The following CSTB variants were observed in gnomAD, a reference collection of about 807,000 sequenced individuals.
CSTB encodes the protein cystatin-B.
Under a neutral mutation model 7.6 loss-of-function variants are expected in CSTB, and 8 were observed. That is an observed-to-expected ratio of 1.05 (90% CI 0.62 to 1.89). The LOEUF (loss-of-function observed/expected upper bound fraction) is 1.89. Ranked by LOEUF, CSTB falls within the 40% of genes most tolerant of loss-of-function variation. The probability of loss-of-function intolerance (pLI) is 0.00; values close to 1 mark genes in which losing one functional copy is unlikely to be tolerated. For synonymous variants in CSTB, 56 were observed against 55.3 expected (o/e 1.01, Z -0.06); for missense variants, 124 against 126.4 (o/e 0.98, Z 0.09).
chr21:43,776,181 C>T (rs1457607632), intron 1 of CSTB, 23 bp downstream of exon 1: 2 of 1,525,580 alleles, frequency 1.3e-6, no homozygotes, highest in Non-Finnish European at 1.8e-6. Context: ...TCCGGGCCGG[C>T]CCCGTCCCCG....
chr21:43,774,192 A>G lies in CSTB; in HGVS notation c.*10T>C. 6.2e-7 allele frequency: 1 copy of G among 1,614,212 alleles called. No individual in the cohort carries two copies. Among genetic ancestry groups the G allele is most frequent in the South Asian group, 1.1e-5 (1 of 91,082 alleles). ...GTCTTCTGGCTGAAGGGCCTTGTCC[A>G]AAGTCAGGATCAGAAATAGGTCAGC... On this transcript the variant is annotated 3_prime_UTR_variant, in exon 3 of 3. Coordinates refer to ENST00000291568, the MANE Select transcript of CSTB (RefSeq NM_000100.4).
At position 43,776,241 on chromosome 21, in the gene CSTB, T is replaced by G. The variant is rs569851503; in HGVS notation, c.29A>C (p.Gln10Pro). The change falls in exon 1 of 3, where the codon CAG becomes CCG. Residue 10 changes from glutamine (Q) to proline (P), a missense_variant. Coordinates refer to ENST00000291568, the MANE Select transcript of CSTB (RefSeq NM_000100.4). MMCGAPSAT[Q>P]PATAETQHIA... ...GTGCTGGGTCTCGGCGGTGGCCGGCTGCGTGGCGGAGGGCGCCCCGCACAT... is the reference window on the plus strand; with the variant it reads ...GTGCTGGGTCTCGGCGGTGGCCGGCGGCGTGGCGGAGGGCGCCCCGCACAT... 1.2e-5 allele frequency: 18 copies of G among 1,529,408 alleles called. No individual in the cohort carries two copies. In the African/African-American group the frequency reaches 2.4e-4, roughly 20 times the overall value. The allele number at this position is 1,529,408 out of a possible 1,614,324, so 94.7% of individuals were successfully genotyped here.
chr21:43,776,304 TCGGCGAGGGGACG>T (rs780277053), exon 1 of CSTB: 29 of 1,508,514 alleles, frequency 1.9e-5, no homozygotes, highest in African/African-American at 3.2e-4. Context: ...GCGAGGGGAC[TCGGCGAGGGGACG>T]CGGCGGCTCC....
At chr21:43,774,508 G>T in intron 2 of CSTB, 150 bp downstream of exon 2, 1 of 1,180,970 alleles carries the variant, frequency 8.5e-7, no homozygotes, top group Non-Finnish European at 1.2e-6. Context: ...TAGTCCTCCT[G>T]AAAGGCCGAT....
chr21:43,774,924 G>C, intron 1 of CSTB, 165 bp from the exon 2 acceptor site: 2 of 689,816 alleles, frequency 2.9e-6, no homozygotes, highest in Non-Finnish European at 5.2e-6. Context: ...TAATAATAAA[G>C]TAGAAAAAAA....
chr21:43,775,880 G>A (rs376284728), intron 1 of CSTB: 6 of 289,182 alleles, frequency 2.1e-5, no homozygotes, highest in East Asian at 1.2e-4. Context: ...CTGCCTGCCT[G>A]AAACCAGAAG....
At position 43,774,294 on chromosome 21, in the gene CSTB, C is replaced by G; in HGVS notation, c.205G>C (p.Val69Leu). 6.2e-7 allele frequency: 1 copy of G among 1,614,242 alleles called. No homozygotes were observed. The change falls in exon 3 of 3, where the codon GTG becomes CTG. Residue 69 changes from valine to leucine, a missense_variant. Physicochemically the swap from Val to Leu is conservative, Grantham distance 32. Coordinates refer to ENST00000291568, the MANE Select transcript of CSTB (RefSeq NM_000100.4). ...TTTTCATGAGGGAGAGATTGGAACACTCGCAGGTGTACGAAGTCCTCGTCG... is the reference window on the plus strand; with the variant it reads ...TTTTCATGAGGGAGAGATTGGAACAGTCGCAGGTGTACGAAGTCCTCGTCG... ...VGDEDFVHLR[V>L]FQSLPHENKP...
At chr21:43,774,551 G>T (rs1601856011) in intron 2 of CSTB, 107 bp downstream of exon 2, 2 of 1,165,070 alleles carry the variant, frequency 1.7e-6, no homozygotes, top group Admixed American at 1.7e-5. Context: ...ATCTCAGGGG[G>T]CAGCCACAGG....
At chr21:43,776,136 G>A in intron 1 of CSTB, 68 bp downstream of exon 1, 1 of 1,420,922 alleles carries the variant, frequency 7.0e-7, no homozygotes, top group Non-Finnish European at 9.5e-7. Context: ...TTTCGCTCCA[G>A]GAGCCGCGGC....
At chr21:43,776,028 C>T (rs893773239) in intron 1 of CSTB, 176 bp downstream of exon 1, 166 of 527,292 alleles carry the variant, frequency 3.1e-4, no homozygotes, top group Non-Finnish European at 5.0e-4. Flanking sequence ...GCGCGGCCCC[C>T]CGCTGCTCAC....
intron 1 of CSTB, chr21:43,775,286 T>A (rs533397892): frequency 4.9e-6 from 1 of 204,786 alleles, no homozygotes; most frequent in East Asian, 1.2e-4. Context: ...GGGCATCCCG[T>A]CGGTCACCAA....
Position 43,774,605 on chromosome 21 carries a change from G to A in CSTB, c.168+53C>T, listed in dbSNP as rs180832281. Reference sequence around the variant, plus strand: ...CCACACAGCCCGGGCCTGCACAGGCGGTTTCCTACCAGCACCCGTTCGGGG... The same window carrying A: ...CCACACAGCCCGGGCCTGCACAGGCAGTTTCCTACCAGCACCCGTTCGGGG... On this transcript the variant is annotated intron_variant, in intron 2 of 2. Coordinates refer to ENST00000291568, the MANE Select transcript of CSTB (RefSeq NM_000100.4). 4,036 of 1,488,948 alleles carry A rather than the reference G, an allele frequency of 2.7e-3. 45 individuals are homozygous for A. In the African/African-American group the frequency reaches 0.036, roughly 13 times the overall value. The allele number at this position is 1,488,948 out of a possible 1,614,324, so 92.2% of individuals were successfully genotyped here.
chr21:43,774,237 T>C lies in CSTB; in HGVS notation c.262A>G (p.Asn88Asp). ...KPLTLSNYQT[N>D]KAKHDELTYF ...GTCAGCTCATCATGCTTGGCTTTGT[T>C]GGTCTGGTAGTTAGATAAGGTCAAG... Residue 88 changes from asparagine (N) to aspartate (D), a missense_variant, in exon 3 of 3, where the codon AAC becomes GAC. By Grantham distance (23) the Asn-to-Asp change is conservative. Transcript: ENST00000291568. 1 of 1,614,198 alleles carries C rather than the reference T, an allele frequency of 6.2e-7. No homozygotes were observed. Among genetic ancestry groups the C allele is most frequent in the South Asian group, 1.1e-5 (1 of 91,088 alleles).
Position 43,776,260 on chromosome 21 carries a change from C to A in CSTB, c.10G>T (p.Gly4Trp), listed in dbSNP as rs74315443. Reference sequence around the variant, plus strand: ...GCCGGCTGCGTGGCGGAGGGCGCCCCGCACATCATCTTGGCGGCGACGGAG... The same window carrying A: ...GCCGGCTGCGTGGCGGAGGGCGCCCAGCACATCATCTTGGCGGCGACGGAG... MMC[G>W]APSATQPATA... is the part of the protein sequence containing the mutation. The change falls in exon 1 of 3, where the codon GGG becomes TGG. Residue 4 changes from glycine (G) to tryptophan (W), a missense_variant. Coordinates refer to ENST00000291568, the MANE Select transcript of CSTB (RefSeq NM_000100.4). The A allele has an allele frequency of 2.0e-6, 3 of 1,528,398 alleles. No homozygotes were observed. The highest frequency in any genetic ancestry group is 2.4e-5 in the South Asian group (2 of 82,222). The allele number at this position is 1,528,398 out of a possible 1,614,324, so 94.7% of individuals were successfully genotyped here.
chr21:43,774,446 T>A, intron 2 of CSTB, 116 bp from the exon 3 acceptor site: 6 of 1,480,468 alleles, frequency 4.1e-6, no homozygotes, highest in Non-Finnish European at 4.7e-6. Context: ...GTGCAGGGGA[T>A]GCCTCACATC....
Position 43,776,106 on chromosome 21 carries a change from A to C in CSTB, c.66+98T>G. ...AGCCCGGGCCAGCCCAGGGGTGCGC[A>C]GCGGGGCCAAAGCGGCTTCTTTCGC... On this transcript the variant is annotated intron_variant, in intron 1 of 2. Coordinates refer to ENST00000291568, the MANE Select transcript of CSTB (RefSeq NM_000100.4). 2 of 1,157,460 alleles carry C rather than the reference A, an allele frequency of 1.7e-6. 1 individual carries two copies. Among genetic ancestry groups the C allele is most frequent in the South Asian group, 2.7e-5 (2 of 73,476 alleles). 71.7% of individuals were successfully genotyped at this position (1,157,460 alleles called of 1,614,324 possible). A position where few individuals can be genotyped will look rare whatever the true frequency, so the allele number is the denominator to read the frequency against.
chr21:43,775,254 C>T (rs1424713381), intron 1 of CSTB: 2 of 241,816 alleles, frequency 8.3e-6, no homozygotes, highest in Non-Finnish European at 1.7e-5. Flanking sequence ...GCCTCAGCAT[C>T]GCCTGGACCT....
intron 2 of CSTB, 97 bp from the exon 3 acceptor site, chr21:43,774,427 C>A: frequency 6.3e-7 from 1 of 1,585,610 alleles, no homozygotes; most frequent in Non-Finnish European, 8.6e-7. Flanking sequence ...ATCTTGTCTT[C>A]TCCTGCATGT....
chr21:43,774,422 G>T, intron 2 of CSTB, 92 bp from the exon 3 acceptor site: 1 of 1,592,848 alleles, frequency 6.3e-7, no homozygotes, highest in Non-Finnish European at 8.6e-7. Context: ...AGACAATCTT[G>T]TCTTCTCCTG....
Sources: allele counts gnomAD v4.1 joint callset, GRCh38; gene constraint gnomAD v4.1.1; transcripts MANE v1.5; gene names NCBI Gene and HGNC (gene_info 2026-07-23, HGNC 2026-07-21).